The following MTDH variants were observed in gnomAD, a reference collection of about 807,000 sequenced individuals.
MTDH encodes protein LYRIC.
In MTDH, 34 loss-of-function variants were observed where a neutral mutation model predicts 72.7. The observed-to-expected ratio is 0.47, with a 90% CI of 0.36 to 0.62. MTDH has a LOEUF of 0.62. Ranked by LOEUF, MTDH falls within the 20% of genes least tolerant of loss-of-function variation. The pLI is 0.00. For synonymous variants in MTDH, 266 were observed against 268.9 expected, an observed-to-expected ratio of 0.99 and a Z score of 0.10; for missense variants, 677 against 699.4, an observed-to-expected ratio of 0.97 and a Z score of 0.36.
intron 6 of MTDH, among the ~76,000 whole-genome samples, chr8:97,692,793 G>T (rs926024990): frequency 2.0e-5 from 3 of 151,356 alleles, no homozygotes; most frequent in Non-Finnish European, 4.4e-5. Context: ...GCAGTGGCAT[G>T]ATTTCAGCTC....
intron 2 of MTDH, among the ~76,000 whole-genome samples, chr8:97,675,054 C>T (rs546941807): frequency 6.6e-6 from 1 of 152,272 alleles, no homozygotes; most frequent in South Asian, 2.1e-4. Context: ...AAGTGATCCA[C>T]CTGCTACGGC....
chr8:97,727,408 A>T lies in MTDH; in HGVS notation c.*2738A>T, dbSNP rs1815396126. ...CCAGCTACTCAGGAGGTTGAGGCAGAGAATCGCTTGAACCCGGGGGGTGGA... is the reference window on the plus strand; with the variant it reads ...CCAGCTACTCAGGAGGTTGAGGCAGTGAATCGCTTGAACCCGGGGGGTGGA... On this transcript the variant is annotated 3_prime_UTR_variant, in exon 12 of 12. Transcript: ENST00000336273. 1 of 150,534 alleles carries T rather than the reference A, an allele frequency of 6.6e-6. No individual in the cohort carries two copies. The highest frequency in any genetic ancestry group is 2.4e-5 in the African/African-American group (1 of 40,842). The allele number at this position is 150,534 out of a possible 1,614,324, so 9.3% of individuals were successfully genotyped here. A position where few individuals can be genotyped will look rare whatever the true frequency, so the allele number is the denominator to read the frequency against.
rs2131106117 is a variant in MTDH at position 97,729,207 on chromosome 8, G to T, written c.*4537G>T. On this transcript the variant is annotated 3_prime_UTR_variant, in exon 12 of 12. Coordinates refer to ENST00000336273, the MANE Select transcript of MTDH (RefSeq NM_178812.4). Reference sequence around the variant, plus strand: ...CTCCCAAAGTGCTGGTGTTACAGGTGTGAGCCACCACACCTGGCCAACATG... The same window carrying T: ...CTCCCAAAGTGCTGGTGTTACAGGTTTGAGCCACCACACCTGGCCAACATG... Among the ~76,000 whole-genome samples the T allele has an allele frequency of 6.6e-6, 1 of 151,604 alleles. No homozygotes were observed. The highest frequency in any genetic ancestry group is 1.5e-5 in the Non-Finnish European group (1 of 67,934).
At position 97,713,765 on chromosome 8, in the gene MTDH, C is replaced by T. The variant is rs1389905945; in HGVS notation, c.1376C>T (p.Ala459Val). ...AAGCAAGGTGAAGATAACTCTACTG[C>T]ACAGGTAAAATGTCAGAACAACAAG... ...KKKQGEDNST[A>V]QDTEELEKEI... The change falls in exon 9 of 12, where the codon GCA becomes GTA. Residue 459 changes from alanine (A) to valine (V), a missense_variant. By Grantham distance (64) the Ala-to-Val change is moderately conservative. Around this residue, in one of 3 missense-constraint regions of MTDH, gnomAD observed 201 missense variants for 204.5 expected, o/e 0.98. Transcript: ENST00000336273. 5 of 1,562,106 alleles carry T rather than the reference C, an allele frequency of 3.2e-6. No individual in the cohort carries two copies. The highest frequency in any genetic ancestry group is 2.3e-5 in the East Asian group (1 of 44,156).
chr8:97,653,015 AG>A (rs1181526040), intron 1 of MTDH, among the ~76,000 whole-genome samples: 1 of 152,078 alleles, frequency 6.6e-6, no homozygotes, highest in Admixed American at 6.6e-5. Flanking sequence ...GCTACTCAGG[AG>A]GCTGAGACAG....
chr8:97,664,166 G>A (rs959996627), intron 2 of MTDH, among the ~76,000 whole-genome samples: 1 of 152,098 alleles, frequency 6.6e-6, no homozygotes, highest in Non-Finnish European at 1.5e-5. Context: ...GATCAGCCTG[G>A]TCAACATGGT....
At chr8:97,722,403 C>T (rs1815165706) in intron 10 of MTDH, among the ~76,000 whole-genome samples, 1 of 152,084 alleles carries the variant, frequency 6.6e-6, no homozygotes, top group African/African-American at 2.4e-5. Flanking sequence ...AGATCGAGAC[C>T]ATCCTGGCTA....
chr8:97,669,095 A>C (rs1055045425), intron 2 of MTDH, among the ~76,000 whole-genome samples: 1 of 152,110 alleles, frequency 6.6e-6, no homozygotes, highest in African/African-American at 2.4e-5. Context: ...CATTAAATTT[A>C]CTTGTTTTAA....
chr8:97,647,398 C>CA (rs1204576052), intron 1 of MTDH, among the ~76,000 whole-genome samples: 3 of 152,052 alleles, frequency 2.0e-5, no homozygotes, highest in Non-Finnish European at 4.4e-5. Context: ...CTCATCTCTA[C>CA]AAAAAATTTA....
intron 8 of MTDH, among the ~76,000 whole-genome samples, chr8:97,709,121 G>A (rs893278413): frequency 2.6e-5 from 4 of 151,548 alleles, no homozygotes; most frequent in African/African-American, 9.7e-5. Context: ...TTGAACCCGG[G>A]AGGCAGAGGT....
chr8:97,651,423 TA>T (rs965544525), intron 1 of MTDH, among the ~76,000 whole-genome samples: 13 of 152,092 alleles, frequency 8.5e-5, no homozygotes, highest in Non-Finnish European at 1.6e-4. Flanking sequence ...GCAAAATCAC[TA>T]ACAAAAAGCA....
At chr8:97,685,808 C>G (rs1813338358) in intron 2 of MTDH, among the ~76,000 whole-genome samples, 1 of 151,658 alleles carries the variant, frequency 6.6e-6, no homozygotes, top group Non-Finnish European at 1.5e-5. Context: ...TAGCTGATCT[C>G]AATAAATAGC....
intron 2 of MTDH, among the ~76,000 whole-genome samples, chr8:97,675,740 C>T (rs1291169678): frequency 6.6e-6 from 1 of 151,252 alleles, no homozygotes; most frequent in Non-Finnish European, 1.5e-5. Flanking sequence ...GGTGTGGTAG[C>T]GTATGCCTGT....
At chr8:97,655,592 T>TA (rs1811939908) in intron 1 of MTDH, among the ~76,000 whole-genome samples, 1 of 152,132 alleles carries the variant, frequency 6.6e-6, no homozygotes, top group African/African-American at 2.4e-5. Context: ...CTTGTTAATA[T>TA]AAAAAAATGG....
Position 97,702,807 on chromosome 8 carries a change from G to A in MTDH, c.1147+2955G>A, listed in dbSNP as rs182500475. 4.8e-3 allele frequency among the ~76,000 whole-genome samples: 728 copies of A among 152,088 alleles called. 5 individuals carry two copies. The highest frequency in any genetic ancestry group is 0.041 in the Middle Eastern group (12 of 294). On this transcript the variant is annotated intron_variant, in intron 7 of 11. Coordinates refer to ENST00000336273, the MANE Select transcript of MTDH (RefSeq NM_178812.4). ...GGCTCTTTGAAAAGAATTAAGTTCT[G>A]ACAAGAAACAGCTGACAACCAAATA...
chr8:97,710,732 G>A (rs1383925730), intron 8 of MTDH, among the ~76,000 whole-genome samples: 6 of 149,628 alleles, frequency 4.0e-5, no homozygotes, highest in African/African-American at 1.5e-4. Flanking sequence ...GGGCGCGGTG[G>A]TTCACGCCTG....
chr8:97,656,015 C>T (rs1811955006), intron 1 of MTDH, among the ~76,000 whole-genome samples: 1 of 152,134 alleles, frequency 6.6e-6, no homozygotes, highest in African/African-American at 2.4e-5. Context: ...TTGTCAAACT[C>T]CAAAGCCCAT....
rs1237433868 is a variant in MTDH, at chr8:97,726,523, A to C, written c.*1853A>C. The C allele has an allele frequency of 6.6e-6, 1 of 152,206 alleles. No homozygotes were observed. Among genetic ancestry groups the C allele is most frequent in the Admixed American group, 6.5e-5 (1 of 15,274 alleles). The allele number at this position is 152,206 out of a possible 1,614,324, so 9.4% of individuals were successfully genotyped here. A position where few individuals can be genotyped will look rare whatever the true frequency, so the allele number is the denominator to read the frequency against. On this transcript the variant is annotated 3_prime_UTR_variant, in exon 12 of 12. Coordinates refer to ENST00000336273, the MANE Select transcript of MTDH (RefSeq NM_178812.4). ...CAAATGGTCTGTGCTCAACAATATA[A>C]TTGAACTCTCTCAACTCTACCTCAC... is the stretch of plus-strand genomic sequence containing the variant.
At chr8:97,702,570 T>G (rs1266806288) in intron 7 of MTDH, among the ~76,000 whole-genome samples, 2 of 152,256 alleles carry the variant, frequency 1.3e-5, no homozygotes, top group African/African-American at 4.8e-5. Context: ...TGTGGTTAAC[T>G]AACCCAATGT....
Sources: gnomAD v4.1 joint callset for allele counts (sites outside exome capture counted in the v4.1 genomes callset) on GRCh38, gnomAD v4.1.1 for gene constraint, gnomAD v4.1.1 regional missense constraint, MANE v1.5 for transcripts, NCBI Gene and HGNC (gene_info 2026-07-23, HGNC 2026-07-21) for gene names.